ITGA9: variants seen among roughly 807,000 people sequenced by gnomAD.
The protein encoded by ITGA9 is integrin subunit alpha 9.
ITGA9 carries 56 observed loss-of-function variants against 127.8 expected under a neutral mutation model. The ratio of observed to expected loss-of-function variants is 0.44; its 90% CI spans 0.35 to 0.55. ITGA9 has a LOEUF of 0.55. Ranked by LOEUF, ITGA9 falls within the 20% of genes least tolerant of loss-of-function variation. ITGA9 has a pLI of 0.00. For synonymous variants in ITGA9, 508 were observed against 514.5 expected, an observed-to-expected ratio of 0.99 and a Z score of 0.17; for missense variants, 1,196 against 1,347.1, an observed-to-expected ratio of 0.89 and a Z score of 1.76.
chr3:37,691,269 C>T (rs1386491223), intron 18 of ITGA9, among the ~76,000 whole-genome samples: 1 of 152,060 alleles, frequency 6.6e-6, no homozygotes, highest in Non-Finnish European at 1.5e-5. Flanking sequence ...TTCTAGACTC[C>T]TAGAAGTTGT....
chr3:37,704,017 T>G (rs1700976135), intron 18 of ITGA9, among the ~76,000 whole-genome samples: 1 of 152,178 alleles, frequency 6.6e-6, no homozygotes, highest in Non-Finnish European at 1.5e-5. Context: ...GCAGGCTGAC[T>G]CCAGTGTGCT....
chr3:37,538,230 A>C (rs1484895080), intron 14 of ITGA9, among the ~76,000 whole-genome samples: 2 of 152,214 alleles, frequency 1.3e-5, no homozygotes, highest in African/African-American at 4.8e-5. Flanking sequence ...CACAGCTGAA[A>C]TCTTGTTCTG....
At chr3:37,511,387 A>G (rs1165717337) in intron 8 of ITGA9, among the ~76,000 whole-genome samples, 1 of 152,234 alleles carries the variant, frequency 6.6e-6, no homozygotes, top group Non-Finnish European at 1.5e-5. Flanking sequence ...TTGAAGTTTT[A>G]TTGAATTAAC....
At chr3:37,804,613 T>C (rs1697271723) in intron 27 of ITGA9, among the ~76,000 whole-genome samples, 1 of 152,202 alleles carries the variant, frequency 6.6e-6, no homozygotes, top group African/African-American at 2.4e-5. Flanking sequence ...CTTTAGCTGA[T>C]GAAGGTCTGT....
chr3:37,606,150 A>G (rs1388832645), intron 15 of ITGA9, among the ~76,000 whole-genome samples: 1 of 152,148 alleles, frequency 6.6e-6, no homozygotes, highest in Non-Finnish European at 1.5e-5. Context: ...AAGCAAGTCT[A>G]TTTTTCATCA....
At chr3:37,773,123 G>T (rs939028485) in intron 23 of ITGA9, among the ~76,000 whole-genome samples, 17 of 152,204 alleles carry the variant, frequency 1.1e-4, no homozygotes, top group Non-Finnish European at 1.5e-5. Flanking sequence ...TAGCAACACT[G>T]GCTGGGCTGG....
At chr3:37,737,051 T>G in intron 20 of ITGA9, 68 bp downstream of exon 20, 1 of 1,043,108 alleles carries the variant, frequency 9.6e-7, no homozygotes. Context: ...GGATGTGTCC[T>G]GGTTAAGCTT....
chr3:37,457,183 G>A (rs1698269562), intron 1 of ITGA9, among the ~76,000 whole-genome samples: 1 of 152,238 alleles, frequency 6.6e-6, no homozygotes, highest in African/African-American at 2.4e-5. Flanking sequence ...AGGTTGAATT[G>A]TCTTTCTACT....
chr3:37,756,642 C>G (rs773940901), intron 23 of ITGA9, among the ~76,000 whole-genome samples: 2 of 152,200 alleles, frequency 1.3e-5, no homozygotes, highest in African/African-American at 2.4e-5. Context: ...CTATCTCACA[C>G]TGTAAGGACT....
At chr3:37,558,544 C>G (rs1699453377) in intron 15 of ITGA9, among the ~76,000 whole-genome samples, 1 of 152,152 alleles carries the variant, frequency 6.6e-6, no homozygotes, top group Admixed American at 6.5e-5. Context: ...CTGGGACAGT[C>G]CTGGTTTATG....
At chr3:37,538,906 C>T (rs1699239423) in intron 14 of ITGA9, among the ~76,000 whole-genome samples, 1 of 152,180 alleles carries the variant, frequency 6.6e-6, no homozygotes, top group East Asian at 1.9e-4. Flanking sequence ...TGAAATGCTT[C>T]CAGAATGATT....
At chr3:37,689,738 G>A (rs1700813860) in intron 18 of ITGA9, among the ~76,000 whole-genome samples, 1 of 152,210 alleles carries the variant, frequency 6.6e-6, no homozygotes, top group African/African-American at 2.4e-5. Context: ...ACAGCTCTAT[G>A]GCCCTGGAGT....
intron 17 of ITGA9, among the ~76,000 whole-genome samples, chr3:37,654,763 A>G (rs1348119023): frequency 6.6e-6 from 1 of 152,076 alleles, no homozygotes; most frequent in African/African-American, 2.4e-5. Flanking sequence ...TTACATAGGT[A>G]TACACATGCC....
intron 17 of ITGA9, among the ~76,000 whole-genome samples, chr3:37,679,466 G>C (rs1700713839): frequency 6.6e-6 from 1 of 152,172 alleles, no homozygotes; most frequent in Non-Finnish European, 1.5e-5. Flanking sequence ...CAACCTTCAT[G>C]CCAAAGGAGG....
chr3:37,606,267 C>T (rs751479196), intron 15 of ITGA9, among the ~76,000 whole-genome samples: 31 of 152,222 alleles, frequency 2.0e-4, no homozygotes, highest in Non-Finnish European at 3.8e-4. Flanking sequence ...CCCTGTCATC[C>T]AAGAGGGCCT....
At chr3:37,546,279 A>G (rs1252296769) in intron 15 of ITGA9, among the ~76,000 whole-genome samples, 1 of 152,204 alleles carries the variant, frequency 6.6e-6, no homozygotes, top group East Asian at 1.9e-4. Context: ...AGAAAGGGAA[A>G]TGATCAAGTT....
At chr3:37,515,244 T>C (rs1698972260) in intron 9 of ITGA9, among the ~76,000 whole-genome samples, 1 of 152,156 alleles carries the variant, frequency 6.6e-6, no homozygotes, top group Non-Finnish European at 1.5e-5. Context: ...TCTGGATAGA[T>C]GTTTAGTTTT....
chr3:37,554,036 TG>T (rs1239232913), intron 15 of ITGA9, among the ~76,000 whole-genome samples: 4 of 152,116 alleles, frequency 2.6e-5, no homozygotes, highest in Non-Finnish European at 5.9e-5. Context: ...TGCCGTAGGC[TG>T]GGGGGCCCTC....
intron 17 of ITGA9, among the ~76,000 whole-genome samples, chr3:37,673,123 G>C (rs1191692091): frequency 2.0e-5 from 3 of 152,126 alleles, no homozygotes; most frequent in Non-Finnish European, 4.4e-5. Flanking sequence ...GGGACAGCAA[G>C]ACAGAAACAG....
Sources: gnomAD v4.1 joint callset for allele counts (sites outside exome capture counted in the v4.1 genomes callset) on GRCh38, gnomAD v4.1.1 for gene constraint, MANE v1.5 for transcripts, NCBI Gene and HGNC (gene_info 2026-07-23, HGNC 2026-07-21) for gene names.